Variants in CPEB1 observed in about 807,000 individuals in gnomAD.
The protein encoded by CPEB1 is cytoplasmic polyadenylation element-binding protein 1.
A neutral mutation model predicts 65.8 loss-of-function variants in CPEB1; 7 were observed. The ratio of observed to expected loss-of-function variants is 0.11; its 90% CI spans 0.06 to 0.20. The LOEUF (loss-of-function observed/expected upper bound fraction) is 0.20. Ranked by LOEUF, CPEB1 falls within the 10% of genes least tolerant of loss-of-function variation. CPEB1 has a pLI of 1.00. For missense variants in CPEB1, 551 were observed against 712.2 expected (o/e 0.77, Z 2.58); for synonymous variants, 262 against 260.0 (o/e 1.01, Z -0.08).
At chr15:82,647,499 G>T (rs2047674756), upstream of CPEB1, 1 of 219,054 alleles carries the variant, frequency 4.6e-6, no homozygotes, top group Non-Finnish European at 9.0e-6. Context: ...GGCAGTGTGA[G>T]AAAGAAACGT....
intron 4 of CPEB1, among the ~76,000 whole-genome samples, chr15:82,559,722 T>C (rs1320320897): frequency 6.6e-6 from 1 of 152,230 alleles, no homozygotes; most frequent in Non-Finnish European, 1.5e-5. Context: ...TTTAACTGTA[T>C]GCTAAAACTA....
intron 3 of CPEB1, among the ~76,000 whole-genome samples, chr15:82,596,838 G>A (rs2042704877): frequency 6.6e-6 from 1 of 152,006 alleles, no homozygotes; most frequent in Admixed American, 6.6e-5. Flanking sequence ...ACATATTTAA[G>A]TCATTAATAT....
chr15:82,553,359 T>C (rs1045201811), intron 8 of CPEB1, 108 bp downstream of exon 8: 3 of 790,414 alleles, frequency 3.8e-6, no homozygotes, highest in Non-Finnish European at 6.5e-6. Context: ...GTGCCCACCA[T>C]GTTACCAACA....
At chr15:82,598,278 G>T (rs1004138746) in intron 3 of CPEB1, among the ~76,000 whole-genome samples, 1 of 121,692 alleles carries the variant, frequency 8.2e-6, no homozygotes, top group East Asian at 2.2e-4. Flanking sequence ...TGGATCACCT[G>T]AGGTCAGGAA....
At chr15:82,564,276 TTTTTGTTTTTTTG>T (rs2038742855) in intron 4 of CPEB1, among the ~76,000 whole-genome samples, 2 of 148,288 alleles carry the variant, frequency 1.3e-5, no homozygotes, top group South Asian at 4.2e-4. Context: ...ACAATGGTTT[TTTTTGTTTTTTTG>T]TTTTGTTTTT....
At chr15:82,580,092 C>G (rs1257700493) in intron 3 of CPEB1, among the ~76,000 whole-genome samples, 1 of 151,532 alleles carries the variant, frequency 6.6e-6, no homozygotes, top group Non-Finnish European at 1.5e-5. Flanking sequence ...GAGGCCAAGG[C>G]AGGCGGATAA....
chr15:82,569,692 G>A (rs114520428), intron 4 of CPEB1, among the ~76,000 whole-genome samples: 2,186 of 152,206 alleles, frequency 0.014, 56 homozygotes, highest in African/African-American at 0.051. Flanking sequence ...CATTTCTATG[G>A]GCCCAATGTT....
In CPEB1 at chr15:82,544,272, GTTTT is replaced by G. The variant is rs35946080; in HGVS notation, c.*316_*319del. ...TACCTCAATACCTTCTGGACACGTA[GTTTT>G]TTTTTTTTTTTTTTTTTTCCCCGCT... is the stretch of plus-strand genomic sequence containing the variant. On this transcript the variant is annotated 3_prime_UTR_variant, in exon 13 of 13. Transcript: ENST00000684509. 13 of 131,146 alleles carry G rather than the reference GTTTT, an allele frequency of 9.9e-5. No homozygotes were observed. Among genetic ancestry groups the G allele is most frequent in the Admixed American group, 2.4e-4 (3 of 12,690 alleles). 8.1% of individuals were successfully genotyped at this position (131,146 alleles called of 1,614,324 possible).
chr15:82,572,642 C>T (rs76970154), intron 3 of CPEB1, among the ~76,000 whole-genome samples: 2,683 of 152,304 alleles, frequency 0.018, 29 homozygotes, highest in Non-Finnish European at 0.025. Flanking sequence ...GAAACAGTCT[C>T]TGAAGTATCG....
At position 82,555,976 on chromosome 15, in the gene CPEB1, T is replaced by G. The variant is rs754733109; in HGVS notation, c.834A>C (p.Ser278=). The G allele has an allele frequency of 2.5e-6, 4 of 1,613,836 alleles. No homozygotes were observed. Among genetic ancestry groups the G allele is most frequent in the Non-Finnish European group, 3.4e-6 (4 of 1,179,896 alleles). ...AAVTPSPTSA[S]KRWPGASVWP... ...ACACAGAAGCTCCTGGCCATCTCTT[T>G]GAAGCACTGGTTGGGGAGGGAGTGA... The change falls in exon 6 of 13, where the codon TCA becomes TCC. Residue 278 remains serine, a synonymous_variant. Transcript: ENST00000684509.
At chr15:82,547,646 G>T (rs2035495532) in intron 10 of CPEB1, among the ~76,000 whole-genome samples, 1 of 151,602 alleles carries the variant, frequency 6.6e-6, no homozygotes, top group African/African-American at 2.4e-5. Context: ...AGTGCTGTCC[G>T]ACAGAAATAT....
chr15:82,567,047 T>C (rs2039246792), intron 4 of CPEB1, among the ~76,000 whole-genome samples: 2 of 152,116 alleles, frequency 1.3e-5, no homozygotes, highest in African/African-American at 4.8e-5. Flanking sequence ...AAAATATGTA[T>C]TAGACAGCCA....
chr15:82,558,047 T>C (rs1027198330), intron 4 of CPEB1, 61 bp from the exon 5 acceptor site: 15 of 1,205,658 alleles, frequency 1.2e-5, no homozygotes, highest in African/African-American at 6.1e-5. Context: ...CAACAGCCTC[T>C]TTCTTCTCCT....
chr15:82,568,875 C>A (rs1194858779), intron 4 of CPEB1, among the ~76,000 whole-genome samples: 5 of 152,186 alleles, frequency 3.3e-5, no homozygotes, highest in African/African-American at 1.2e-4. Context: ...ATTTAGCCAA[C>A]AGCCCTACTA....
intron 4 of CPEB1, among the ~76,000 whole-genome samples, chr15:82,566,863 C>G (rs1002159045): frequency 6.6e-6 from 1 of 152,056 alleles, no homozygotes; most frequent in Non-Finnish European, 1.5e-5. Context: ...TGTATAATTA[C>G]ATCACCGTCC....
intron 6 of CPEB1, among the ~76,000 whole-genome samples, chr15:82,554,524 G>C (rs1465216154): frequency 6.6e-6 from 1 of 152,192 alleles, no homozygotes; most frequent in Non-Finnish European, 1.5e-5. Context: ...AGTAAGACAA[G>C]AATGTCACAA....
chr15:82,584,477 A>G (rs994105067), intron 3 of CPEB1, among the ~76,000 whole-genome samples: 1 of 151,900 alleles, frequency 6.6e-6, no homozygotes, highest in Non-Finnish European at 1.5e-5. Flanking sequence ...CAGGAGTTCA[A>G]GACCAGCCTG....
chr15:82,549,447 G>T lies in CPEB1; in HGVS notation c.1480+13C>A. 6.2e-7 allele frequency: 1 copy of T among 1,614,180 alleles called. No individual in the cohort carries two copies. The highest frequency in any genetic ancestry group is 8.5e-7 in the Non-Finnish European group (1 of 1,179,984). The stretch of plus-strand genomic sequence containing the variant: ...GCCAACCAAGCTTTCGCACACAGAA[G>T]TGGGACACTTACCAATGGGATACTT... On this transcript the variant is annotated intron_variant, in intron 10 of 12. Coordinates refer to ENST00000684509, the MANE Select transcript of CPEB1 (RefSeq NM_001365242.1).
chr15:82,638,926 T>C (rs11635044), intron 1 of CPEB1, among the ~76,000 whole-genome samples: 11,442 of 152,310 alleles, frequency 0.075, 548 homozygotes, highest in South Asian at 0.23. Context: ...CCCTGATTCC[T>C]GCTAAGTAAG....
Sources: gnomAD v4.1 joint callset for allele counts (sites outside exome capture counted in the v4.1 genomes callset) on GRCh38, gnomAD v4.1.1 for gene constraint, MANE v1.5 for transcripts, NCBI Gene and HGNC (gene_info 2026-07-23, HGNC 2026-07-21) for gene names.